The following AHI1 variants were observed in gnomAD, a reference collection of about 807,000 sequenced individuals.
AHI1 encodes the protein jouberin.
Under a neutral mutation model 149.3 loss-of-function variants are expected in AHI1, and 123 were observed. That is an observed-to-expected ratio of 0.82 (90% confidence interval 0.71 to 0.96). AHI1 has a LOEUF of 0.96. Among genes scored for constraint, AHI1 ranks in the 40% least tolerant of loss-of-function variants. The pLI is 0.00. For synonymous variants in AHI1, 475 were observed against 459.8 expected, an observed-to-expected ratio of 1.03 and a Z score of -0.42; for missense variants, 1,439 against 1,422.7, an observed-to-expected ratio of 1.01 and a Z score of -0.18.
chr6:135,438,166 T>C (rs1315677595), intron 15 of AHI1, among the ~76,000 whole-genome samples: 1 of 152,164 alleles, frequency 6.6e-6, no homozygotes, highest in Non-Finnish European at 1.5e-5. Flanking sequence ...AGAAATATTA[T>C]ATGCTACATA....
intron 26 of AHI1, among the ~76,000 whole-genome samples, chr6:135,314,834 A>G (rs1404769658): frequency 6.6e-6 from 1 of 152,110 alleles, no homozygotes; most frequent in African/African-American, 2.4e-5. Context: ...ACACCTGGCT[A>G]TTACATCTCC....
At chr6:135,479,180 CTGGGGCACTGCCT>C (rs1454106894) in intron 5 of AHI1, among the ~76,000 whole-genome samples, 1 of 152,244 alleles carries the variant, frequency 6.6e-6, no homozygotes, top group Non-Finnish European at 1.5e-5. Context: ...ACAGTCTCCA[CTGGGGCACTGCCT>C]AGGGGCACTG....
chr6:135,296,417 C>T (rs901895808), intron 27 of AHI1, among the ~76,000 whole-genome samples: 2 of 152,174 alleles, frequency 1.3e-5, no homozygotes, highest in African/African-American at 4.8e-5. Context: ...CTTCCTACTT[C>T]ACTTGGTGTA....
At chr6:135,386,289 T>C (rs993690046) in intron 23 of AHI1, among the ~76,000 whole-genome samples, 3 of 151,702 alleles carry the variant, frequency 2.0e-5, no homozygotes, top group African/African-American at 7.3e-5. Flanking sequence ...TTTGATGTTA[T>C]CTACTATAGA....
In AHI1 at chr6:135,297,322, T is replaced by A. The variant is rs576976579; in HGVS notation, c.3485+3178A>T. 7.2e-5 allele frequency: 29 copies of A among 402,190 alleles called. No individual in the cohort carries two copies. In the East Asian group the frequency reaches 2.2e-3, roughly 30 times the overall value. The allele number at this position is 402,190 out of a possible 1,614,324, so 24.9% of individuals were successfully genotyped here. ...ACTCCAAGACACTAATCAGTCAGTCTCCTCCCACTCTCTCCCCTCTCTTCA... is the reference window on the plus strand; with the variant it reads ...ACTCCAAGACACTAATCAGTCAGTCACCTCCCACTCTCTCCCCTCTCTTCA... On this transcript the variant is annotated intron_variant, in intron 27 of 28. Transcript: ENST00000265602.
At chr6:135,431,756 A>C (rs75534353) in intron 16 of AHI1, among the ~76,000 whole-genome samples, 214 of 152,286 alleles carry the variant, frequency 1.4e-3, no homozygotes, top group Non-Finnish European at 2.6e-3. Flanking sequence ...GAGTCAAATA[A>C]TCTTAAAATT....
At chr6:135,370,405 G>A (rs1169093989) in intron 23 of AHI1, among the ~76,000 whole-genome samples, 1 of 152,164 alleles carries the variant, frequency 6.6e-6, no homozygotes, top group African/African-American at 2.4e-5. Context: ...AGTCCTCTTG[G>A]GGAGAACTGA....
intron 16 of AHI1, among the ~76,000 whole-genome samples, chr6:135,432,083 ACTG>A (rs1784744762): frequency 1.3e-5 from 2 of 150,388 alleles, no homozygotes; most frequent in African/African-American, 4.9e-5. Context: ...AATCTCAACT[ACTG>A]CTATTATGAC....
chr6:135,478,421 C>T (rs556739278), intron 5 of AHI1, among the ~76,000 whole-genome samples: 22 of 152,232 alleles, frequency 1.4e-4, no homozygotes, highest in African/African-American at 3.4e-4. Context: ...CAGAGACTGG[C>T]GGCACTGTGA....
intron 27 of AHI1, among the ~76,000 whole-genome samples, chr6:135,293,392 C>CAA (rs1175955601): frequency 4.5e-4 from 9 of 20,112 alleles, no homozygotes; most frequent in African/African-American, 1.6e-3. Flanking sequence ...GTTAACAGGG[C>CAA]AAAAAAAAAA....
intron 26 of AHI1, among the ~76,000 whole-genome samples, chr6:135,314,805 C>T (rs1785702123): frequency 6.6e-6 from 1 of 152,244 alleles, no homozygotes; most frequent in East Asian, 1.9e-4. Context: ...TGCCAAAGCA[C>T]TTTTCCTTGG....
intron 23 of AHI1, among the ~76,000 whole-genome samples, chr6:135,382,925 AAATATATAT>A (rs1443855215): frequency 1.8e-5 from 1 of 54,166 alleles, no homozygotes; most frequent in African/African-American, 5.9e-5. Context: ...AAAAAAAAAA[AAATATATAT>A]ATATATATAT....
chr6:135,450,111 G>A (rs1327472332), intron 11 of AHI1, among the ~76,000 whole-genome samples: 1 of 152,160 alleles, frequency 6.6e-6, no homozygotes, highest in East Asian at 1.9e-4. Flanking sequence ...GGTTAAAGAT[G>A]AAACCATGAG....
intron 5 of AHI1, among the ~76,000 whole-genome samples, chr6:135,473,647 G>A (rs2128109091): frequency 6.6e-6 from 1 of 152,232 alleles, no homozygotes; most frequent in Admixed American, 6.5e-5. Context: ...CCATGAACAT[G>A]AATATCTATT....
intron 23 of AHI1, among the ~76,000 whole-genome samples, chr6:135,390,859 C>G (rs919200992): frequency 2.0e-5 from 3 of 152,042 alleles, no homozygotes; most frequent in African/African-American, 7.2e-5. Flanking sequence ...CATACAAATG[C>G]AAGTTGCTGT....
intron 24 of AHI1, 52 bp downstream of exon 24, chr6:135,358,080 T>C (rs1326692877): frequency 6.5e-7 from 1 of 1,534,798 alleles, no homozygotes; most frequent in Admixed American, 1.7e-5. Context: ...ATAACCAGTA[T>C]AATTTTGTAC....
At chr6:135,379,085 T>C (rs1258381617) in intron 23 of AHI1, among the ~76,000 whole-genome samples, 1 of 152,192 alleles carries the variant, frequency 6.6e-6, no homozygotes, top group Non-Finnish European at 1.5e-5. Context: ...GCTTGACTCA[T>C]AGTAGGATAT....
chr6:135,485,745 A>G (rs1794380935), intron 5 of AHI1, among the ~76,000 whole-genome samples: 1 of 152,192 alleles, frequency 6.6e-6, no homozygotes, highest in South Asian at 2.1e-4. Flanking sequence ...GTTGATTCAC[A>G]TAGGTTTTCT....
intron 18 of AHI1, among the ~76,000 whole-genome samples, chr6:135,429,671 G>T (rs564271831): frequency 1.5e-4 from 23 of 151,232 alleles, no homozygotes; most frequent in Non-Finnish European, 8.9e-5. Context: ...ACTGTCCTAT[G>T]GGCTGTAGGA....
Sources: gnomAD v4.1 joint callset for allele counts (sites outside exome capture counted in the v4.1 genomes callset) on GRCh38, gnomAD v4.1.1 for gene constraint, MANE v1.5 for transcripts, NCBI Gene and HGNC (gene_info 2026-07-23, HGNC 2026-07-21) for gene names.